MALRD1: variants seen among roughly 807,000 people sequenced by gnomAD.
The protein encoded by MALRD1 is MAM and LDL-receptor class A domain-containing protein 1.
MALRD1 carries 247 observed loss-of-function variants against 242.1 expected under a neutral mutation model. The ratio of observed to expected loss-of-function variants is 1.02; its 90% CI spans 0.92 to 1.13. The LOEUF (loss-of-function observed/expected upper bound fraction) is 1.13. Among genes scored for constraint, MALRD1 ranks in the 50% most tolerant of loss-of-function variants. MALRD1 has a pLI of 0.00. For missense variants in MALRD1, 2,989 were observed against 2,533.1 expected (o/e 1.18, Z -3.86); for synonymous variants, 995 against 866.6 (o/e 1.15, Z -2.60).
intron 29 of MALRD1, among the ~76,000 whole-genome samples, chr10:19,467,719 T>C (rs1836291553): frequency 6.6e-6 from 1 of 151,992 alleles, no homozygotes; most frequent in Non-Finnish European, 1.5e-5. Context: ...ACAACGTTTT[T>C]TCCCTTTACA....
chr10:19,297,136 A>T (rs1425581719), intron 21 of MALRD1, among the ~76,000 whole-genome samples: 5 of 150,608 alleles, frequency 3.3e-5, no homozygotes, highest in African/African-American at 1.2e-4. Context: ...TTAGTTTATT[A>T]TATTGTACTG....
At chr10:19,631,918 C>G (rs1839918821) in intron 36 of MALRD1, among the ~76,000 whole-genome samples, 1 of 152,096 alleles carries the variant, frequency 6.6e-6, no homozygotes, top group South Asian at 2.1e-4. Flanking sequence ...CAAAGATTTT[C>G]TCCCATTCTG....
chr10:19,066,818 G>T lies in MALRD1; in HGVS notation c.299G>T (p.Gly100Val). The change falls in exon 2 of 40, where the codon GGT (glycine) becomes GTT (valine). Residue 100 changes from glycine (G) to valine (V), a missense_variant. Physicochemically the swap from Gly to Val is moderately radical, Grantham distance 109. Coordinates refer to ENST00000454679, the MANE Select transcript of MALRD1 (RefSeq NM_001142308.3). ...PSWTKRSGMI[G>V]LSPPFYDHNG... ...TGGACAAAGAGAAGTGGGATGATTG[G>T]TCTATCACCTCCATTTTATGATCAC... 1 of 1,233,674 alleles carries T rather than the reference G, an allele frequency of 8.1e-7. No individual in the cohort carries two copies. Among genetic ancestry groups the T allele is most frequent in the Non-Finnish European group, 1.0e-6 (1 of 988,020 alleles). The allele number at this position is 1,233,674 out of a possible 1,614,324, so 76.4% of individuals were successfully genotyped here.
At chr10:19,144,689 A>C (rs61851291) in intron 10 of MALRD1, among the ~76,000 whole-genome samples, 2,181 of 152,274 alleles carry the variant, frequency 0.014, 15 homozygotes, top group Middle Eastern at 0.031. Flanking sequence ...TGGTTTAAGG[A>C]GGCTTCGGAA....
At chr10:19,306,122 AG>A (rs1564546892) in intron 21 of MALRD1, among the ~76,000 whole-genome samples, 2 of 111,712 alleles carry the variant, frequency 1.8e-5, no homozygotes, top group African/African-American at 7.4e-5. Context: ...TATACTATCT[AG>A]TATATATAGT....
chr10:19,124,591 T>C lies in MALRD1; in HGVS notation c.864T>C (p.Ile288=), dbSNP rs772199301. ...EWTSEASAGQ[I]SWMRTKAREI... is the part of the protein sequence containing the mutation. ...CGTCAGAAGCATCTGCTGGCCAAATTTCCTGGATGCGCACAAAAGCGAGAG... is the reference window on the plus strand; with the variant it reads ...CGTCAGAAGCATCTGCTGGCCAAATCTCCTGGATGCGCACAAAAGCGAGAG... Residue 288 remains isoleucine (I), a synonymous_variant, in exon 7 of 40, where the codon ATT becomes ATC. Transcript: ENST00000454679. 1 of 1,233,814 alleles carries C rather than the reference T, an allele frequency of 8.1e-7. No homozygotes were observed. Among genetic ancestry groups the C allele is most frequent in the Non-Finnish European group, 1.0e-6 (1 of 988,106 alleles). The allele number at this position is 1,233,814 out of a possible 1,614,324, so 76.4% of individuals were successfully genotyped here. A position where few individuals can be genotyped will look rare whatever the true frequency, so the allele number is the denominator to read the frequency against.
At chr10:19,099,958 G>C (rs565963848) in intron 4 of MALRD1, among the ~76,000 whole-genome samples, 7 of 151,810 alleles carry the variant, frequency 4.6e-5, no homozygotes, top group Admixed American at 2.6e-4. Flanking sequence ...ATGGGGTTTC[G>C]CCATGTTGGC....
intron 33 of MALRD1, among the ~76,000 whole-genome samples, chr10:19,571,869 C>T (rs1016224670): frequency 6.6e-6 from 1 of 152,132 alleles, no homozygotes; most frequent in Non-Finnish European, 1.5e-5. Context: ...TATAACAAAA[C>T]ATCCAGATTT....
At chr10:19,508,151 A>C (rs1392301093) in intron 31 of MALRD1, among the ~76,000 whole-genome samples, 1 of 152,188 alleles carries the variant, frequency 6.6e-6, no homozygotes, top group East Asian at 1.9e-4. Flanking sequence ...AAAATGTTAC[A>C]TGTAACTACT....
Position 19,203,799 on chromosome 10 carries a change from A to G in MALRD1, c.2023A>G (p.Ile675Val). Residue 675 changes from isoleucine (I) to valine (V), a missense_variant, in exon 15 of 40, where the codon ATA becomes GTA. Ile to Val is a conservative substitution (Grantham distance 29). Transcript: ENST00000454679. ...AATTAGTGGTGACCATTTTGACTGG[A>G]TACGGAGCTCTCAGAGTGAACTTTC... is the stretch of plus-strand genomic sequence containing the variant. ...EAISGDHFDW[I>V]RSSQSELSAD... 1 of 1,550,636 alleles carries G rather than the reference A, an allele frequency of 6.4e-7. No individual in the cohort carries two copies. The highest frequency in any genetic ancestry group is 8.7e-7 in the Non-Finnish European group (1 of 1,146,960).
intron 38 of MALRD1, among the ~76,000 whole-genome samples, chr10:19,695,573 G>C (rs1419444567): frequency 6.8e-6 from 1 of 147,208 alleles, no homozygotes; most frequent in Non-Finnish European, 1.5e-5. Flanking sequence ...AGGCTGGAGT[G>C]CAGTGGCACA....
chr10:19,233,533 C>T (rs192438224), intron 18 of MALRD1, among the ~76,000 whole-genome samples: 67 of 151,714 alleles, frequency 4.4e-4, no homozygotes, highest in African/African-American at 1.5e-3. Flanking sequence ...CAATTACATT[C>T]TTTAAGTTAC....
intron 2 of MALRD1, among the ~76,000 whole-genome samples, chr10:19,087,224 G>A (rs1057464417): frequency 4.6e-5 from 7 of 152,016 alleles, no homozygotes; most frequent in African/African-American, 1.7e-4. Flanking sequence ...GCTTATTTTG[G>A]TAGGCAGTCC....
intron 32 of MALRD1, among the ~76,000 whole-genome samples, chr10:19,536,390 G>A (rs1438707719): frequency 6.8e-6 from 1 of 147,322 alleles, no homozygotes; most frequent in African/African-American, 2.5e-5. Flanking sequence ...TAGGGTACAT[G>A]TGCACAACGT....
chr10:19,731,710 G>A (rs1235090292), intron 39 of MALRD1, among the ~76,000 whole-genome samples: 3 of 151,978 alleles, frequency 2.0e-5, no homozygotes, highest in Non-Finnish European at 4.4e-5. Context: ...GAATTCATCT[G>A]GATATAAAGT....
At chr10:19,723,597 C>T (rs946097946) in intron 38 of MALRD1, among the ~76,000 whole-genome samples, 1 of 152,004 alleles carries the variant, frequency 6.6e-6, no homozygotes, top group South Asian at 2.1e-4. Flanking sequence ...AAAAAATTAG[C>T]CGGGTGTGTT....
intron 1 of MALRD1, among the ~76,000 whole-genome samples, chr10:19,066,473 T>G (rs1337519413): frequency 2.0e-5 from 3 of 152,230 alleles, no homozygotes; most frequent in Admixed American, 1.3e-4. Flanking sequence ...GATTAGGTCC[T>G]CAGTCTTCTG....
intron 31 of MALRD1, 149 bp from the exon 32 acceptor site, chr10:19,531,045 A>T: frequency 1.6e-6 from 1 of 610,558 alleles, no homozygotes; most frequent in East Asian, 3.0e-5. Flanking sequence ...ATGAAATGTT[A>T]TTGATATATG....
At chr10:19,216,123 T>TTTTTC (rs1837305831) in intron 18 of MALRD1, among the ~76,000 whole-genome samples, 8 of 145,154 alleles carry the variant, frequency 5.5e-5, no homozygotes, top group Admixed American at 2.0e-4. Flanking sequence ...TTCTTTCTTT[T>TTTTTC]TTTTTTTTTT....
Sources: allele counts gnomAD v4.1 joint callset (sites outside exome capture counted in the v4.1 genomes callset), GRCh38; gene constraint gnomAD v4.1.1; transcripts MANE v1.5; gene names NCBI Gene and HGNC (gene_info 2026-07-23, HGNC 2026-07-21).